MMEL1: variants seen among roughly 807,000 people sequenced by gnomAD.
MMEL1 encodes membrane metalloendopeptidase like 1.
In MMEL1, 98 loss-of-function variants were observed where a neutral mutation model predicts 117.1. The observed-to-expected ratio is 0.84, with a 90% CI of 0.71 to 0.99. MMEL1 has a LOEUF of 0.99. Ranked by LOEUF, MMEL1 falls within the 50% of genes least tolerant of loss-of-function variation. MMEL1 has a pLI of 0.00. For missense variants in MMEL1, 1,014 were observed against 1,049.1 expected, an observed-to-expected ratio of 0.97 and a Z score of 0.46; for synonymous variants, 390 against 415.1, an observed-to-expected ratio of 0.94 and a Z score of 0.74.
At chr1:2,611,428 G>A in intron 3 of MMEL1, 88 bp from the exon 4 acceptor site, 2 of 859,638 alleles carry the variant, frequency 2.3e-6, no homozygotes, top group South Asian at 3.9e-5. Flanking sequence ...AGGTCTGGTG[G>A]GTGTGGCATG....
chr1:2,607,731 G>A (rs925964347), intron 6 of MMEL1, among the ~76,000 whole-genome samples: 3 of 152,132 alleles, frequency 2.0e-5, no homozygotes, highest in Admixed American at 6.5e-5. Flanking sequence ...CCTAGTGGAA[G>A]AGGGGAGGCC....
At chr1:2,601,578 C>T (rs1459326029) in intron 11 of MMEL1, among the ~76,000 whole-genome samples, 2 of 152,142 alleles carry the variant, frequency 1.3e-5, no homozygotes, top group Non-Finnish European at 2.9e-5. Context: ...TAAATTGGAC[C>T]ATTTAATAGC....
intron 19 of MMEL1, among the ~76,000 whole-genome samples, chr1:2,593,469 G>A (rs879267995): frequency 2.6e-5 from 4 of 152,198 alleles, no homozygotes; most frequent in South Asian, 2.1e-4. Context: ...GATGCTGGCC[G>A]TCTGGAGAGT....
At chr1:2,618,974 A>G (rs772943475) in intron 2 of MMEL1, among the ~76,000 whole-genome samples, 1 of 152,100 alleles carries the variant, frequency 6.6e-6, no homozygotes, top group Admixed American at 6.5e-5. Flanking sequence ...TGCTCCCACA[A>G]AAGGGACAAA....
chr1:2,606,126 G>GCCAGGAC (rs1351098658), intron 8 of MMEL1, 122 bp downstream of exon 8: 27 of 755,406 alleles, frequency 3.6e-5, no homozygotes, highest in Non-Finnish European at 5.9e-5. Flanking sequence ...GGAGCCAGGA[G>GCCAGGAC]CCCAGGTCCC....
At chr1:2,603,270 T>C (rs1644963709) in intron 11 of MMEL1, among the ~76,000 whole-genome samples, 1 of 152,204 alleles carries the variant, frequency 6.6e-6, no homozygotes, top group Non-Finnish European at 1.5e-5. Flanking sequence ...GGGCACCCTT[T>C]GCCGAAGCTG....
Position 2,612,315 on chromosome 1 carries a change from C to T in MMEL1, c.155-111G>A. 1.1e-6 allele frequency: 1 copy of T among 873,282 alleles called. No individual in the cohort carries two copies. The highest frequency in any genetic ancestry group is 1.8e-6 in the Non-Finnish European group (1 of 552,898). The allele number at this position is 873,282 out of a possible 1,614,324, so 54.1% of individuals were successfully genotyped here. The stretch of plus-strand genomic sequence containing the variant: ...CTTCCCACAGTGCTGGGTGCTGCAG[C>T]CCTACCCCTGTAGTGAGGGCTGGTC... On this transcript the variant is annotated intron_variant, in intron 2 of 23. Transcript: ENST00000378412. This position sits in a 1 kb window ranked among gnomAD's most constrained non-coding sequence, Gnocchi z 5.4.
chr1:2,612,874 G>T lies in MMEL1; in HGVS notation c.155-670C>A, dbSNP rs1227605706. Among the ~76,000 whole-genome samples the T allele has an allele frequency of 6.6e-6, 1 of 152,160 alleles. No individual in the cohort carries two copies. The highest frequency in any genetic ancestry group is 1.5e-5 in the Non-Finnish European group (1 of 68,016). On this transcript the variant is annotated intron_variant, in intron 2 of 23. Transcript: ENST00000378412. This position sits in a 1 kb window ranked among gnomAD's most constrained non-coding sequence, Gnocchi z 5.4. ...CAGGTCCAGAGAGGTGACAAGCCAG[G>T]CCTGGCTACCTTCAGACCTGGCTTG...
chr1:2,608,873 A>G (rs1265534963), intron 6 of MMEL1, among the ~76,000 whole-genome samples: 1 of 151,960 alleles, frequency 6.6e-6, no homozygotes, highest in Non-Finnish European at 1.5e-5. Flanking sequence ...ACATGCACAA[A>G]CCACATGTAA....
At chr1:2,619,112 C>T (rs1645250523) in intron 2 of MMEL1, among the ~76,000 whole-genome samples, 1 of 152,210 alleles carries the variant, frequency 6.6e-6, no homozygotes, top group South Asian at 2.1e-4. Flanking sequence ...ATGTTTTCAC[C>T]TGTCCTTTTG....
intron 22 of MMEL1, 37 bp downstream of exon 22, chr1:2,591,895 A>G (rs1644722421): frequency 3.2e-6 from 5 of 1,586,370 alleles, no homozygotes; most frequent in Non-Finnish European, 4.3e-6. Flanking sequence ...TGAGTGGGGA[A>G]GCATGGGGAT....
intron 2 of MMEL1, among the ~76,000 whole-genome samples, chr1:2,626,101 T>C (rs1221207907): frequency 6.6e-6 from 1 of 152,196 alleles, no homozygotes; most frequent in Non-Finnish European, 1.5e-5. Context: ...GCGTACCTTG[T>C]TGTGCACTTT....
chr1:2,630,276 G>A (rs1193302242), intron 1 of MMEL1: 1 of 152,504 alleles, frequency 6.6e-6, no homozygotes, highest in East Asian at 1.9e-4. Flanking sequence ...GCGTGTATGT[G>A]TGGGAGTGTG....
chr1:2,609,917 AC>A, intron 4 of MMEL1, 86 bp from the exon 5 acceptor site: 1 of 1,455,356 alleles, frequency 6.9e-7, no homozygotes, highest in Non-Finnish European at 9.3e-7. Context: ...GGTCCAAGAC[AC>A]AGCCTGGTCC....
intron 2 of MMEL1, 23 bp downstream of exon 2, chr1:2,629,308 G>C (rs948323412): frequency 1.3e-6 from 2 of 1,515,894 alleles, no homozygotes; most frequent in Non-Finnish European, 1.8e-6. Flanking sequence ...GGGGACAGGC[G>C]GGGGCGGGGC....
chr1:2,596,425 TC>T, intron 14 of MMEL1, 135 bp downstream of exon 14: 1 of 1,284,204 alleles, frequency 7.8e-7, no homozygotes, highest in Non-Finnish European at 1.1e-6. Flanking sequence ...GGGCACGGCT[TC>T]CCTTAGCCTC....
At chr1:2,598,464 G>A (rs574624230) in intron 12 of MMEL1, among the ~76,000 whole-genome samples, 164 bp from the exon 13 acceptor site, 4 of 152,286 alleles carry the variant, frequency 2.6e-5, no homozygotes, top group South Asian at 2.1e-4. Context: ...CATCTGCCCC[G>A]GGTGCTTGGG....
At position 2,605,572 on chromosome 1, in the gene MMEL1, C is replaced by T. The variant is rs752295559; in HGVS notation, c.802G>A (p.Gly268Ser). ...MPSREYYFNG[G>S]SNRKVREAYL... ...GACCCACCCACCTTCCGGTTGCTGC[C>T]GCCGTTGAAGTAGTACTCTCGGGAG... Residue 268 changes from glycine (G) to serine (S), a missense_variant, in exon 9 of 24, where the codon GGC becomes AGC. Coordinates refer to ENST00000378412, the MANE Select transcript of MMEL1 (RefSeq NM_033467.4). 18 of 1,612,626 alleles carry T rather than the reference C, an allele frequency of 1.1e-5. No homozygotes were observed. Among genetic ancestry groups the T allele is most frequent in the South Asian group, 5.5e-5 (5 of 91,020 alleles).
chr1:2,590,889 GC>G lies in MMEL1; in HGVS notation c.*100del, dbSNP rs1281843475. 1.1e-6 allele frequency: 1 copy of G among 947,796 alleles called. No individual in the cohort carries two copies. The highest frequency in any genetic ancestry group is 1.7e-5 in the African/African-American group (1 of 58,076). 58.7% of individuals were successfully genotyped at this position (947,796 alleles called of 1,614,324 possible). On this transcript the variant is annotated 3_prime_UTR_variant, in exon 24 of 24. Coordinates refer to ENST00000378412, the MANE Select transcript of MMEL1 (RefSeq NM_033467.4). ...CTGGCAGGCAGGCTTGGCATGGTTG[GC>G]CGGGGCGGGACGTACACTGGGTCGC...
Sources: allele counts gnomAD v4.1 joint callset (sites outside exome capture counted in the v4.1 genomes callset), GRCh38; gene constraint gnomAD v4.1.1; non-coding constraint Gnocchi (gnomAD v3.1); transcripts MANE v1.5; gene names NCBI Gene and HGNC (gene_info 2026-07-23, HGNC 2026-07-21).